Variants in DLG2 observed in about 807,000 individuals in gnomAD.
DLG2 encodes the protein discs large MAGUK scaffold protein 2, also known as disks large homolog 2.
Under a neutral mutation model 132.5 loss-of-function variants are expected in DLG2, and 45 were observed. The ratio of observed to expected loss-of-function variants is 0.34; its 90% CI spans 0.27 to 0.44. The LOEUF is 0.44. Among genes scored for constraint, DLG2 ranks in the 20% least tolerant of loss-of-function variants. The pLI, the probability that DLG2 is intolerant of heterozygous loss-of-function variation, is 1.00. For synonymous variants in DLG2, 424 were observed against 419.6 expected (o/e 1.01, Z -0.13); for missense variants, 1,045 against 1,196.9 (o/e 0.87, Z 1.87).
chr11:84,052,809 T>C (rs1245393449), intron 11 of DLG2, among the ~76,000 whole-genome samples: 1 of 151,862 alleles, frequency 6.6e-6, no homozygotes, highest in African/African-American at 2.4e-5. Context: ...AATGGAATGC[T>C]TTTACATTGT....
intron 6 of DLG2, among the ~76,000 whole-genome samples, chr11:84,989,186 C>A (rs2056825680): frequency 6.6e-6 from 1 of 151,938 alleles, no homozygotes; most frequent in African/African-American, 2.4e-5. Flanking sequence ...AAAAGAAGTT[C>A]TTTTTTTGAG....
At chr11:84,473,310 A>T (rs890558043) in intron 7 of DLG2, among the ~76,000 whole-genome samples, 1 of 151,978 alleles carries the variant, frequency 6.6e-6, no homozygotes, top group Admixed American at 6.6e-5. Flanking sequence ...TAGCTCTCAC[A>T]CAAATTGCCT....
chr11:85,031,317 T>G (rs2060981639), intron 6 of DLG2, among the ~76,000 whole-genome samples: 1 of 152,104 alleles, frequency 6.6e-6, no homozygotes, highest in Non-Finnish European at 1.5e-5. Flanking sequence ...CTGTCATTGG[T>G]TTTAGGTATA....
intron 3 of DLG2, among the ~76,000 whole-genome samples, chr11:85,473,979 A>G (rs1300329236): frequency 1.3e-5 from 2 of 152,028 alleles, no homozygotes; most frequent in African/African-American, 4.8e-5. Context: ...ATATATCGGT[A>G]GCCTCAATAA....
chr11:84,045,238 C>T (rs900016537), intron 11 of DLG2, among the ~76,000 whole-genome samples: 1 of 151,688 alleles, frequency 6.6e-6, no homozygotes, highest in Non-Finnish European at 1.5e-5. Context: ...TGCTGGGTAA[C>T]ATATGCACTT....
intron 20 of DLG2, among the ~76,000 whole-genome samples, chr11:83,539,814 A>T (rs2141402403): frequency 6.6e-6 from 1 of 152,322 alleles, no homozygotes; most frequent in South Asian, 2.1e-4. Flanking sequence ...GAAATAGCTA[A>T]TTCAAGAATG....
chr11:85,173,257 C>G (rs1478601292), intron 4 of DLG2, among the ~76,000 whole-genome samples: 1 of 152,192 alleles, frequency 6.6e-6, no homozygotes, highest in Non-Finnish European at 1.5e-5. Context: ...AGAAGCTCAG[C>G]AGACTAACAG....
chr11:84,248,039 T>C (rs2097325852), intron 8 of DLG2, among the ~76,000 whole-genome samples: 1 of 152,204 alleles, frequency 6.6e-6, no homozygotes, highest in Non-Finnish European at 1.5e-5. Context: ...TGTGAACAAC[T>C]AGAACATGAG....
At chr11:83,730,540 C>T (rs1275912494) in intron 18 of DLG2, among the ~76,000 whole-genome samples, 1 of 152,074 alleles carries the variant, frequency 6.6e-6, no homozygotes, top group Non-Finnish European at 1.5e-5. Context: ...AGGTATTCTC[C>T]CCCCATCCCT....
At chr11:85,088,803 C>T (rs1260912064) in intron 6 of DLG2, among the ~76,000 whole-genome samples, 2 of 152,152 alleles carry the variant, frequency 1.3e-5, no homozygotes, top group Non-Finnish European at 2.9e-5. Flanking sequence ...ACTAGAACCA[C>T]ACAGTCAAAA....
chr11:83,602,631 G>A (rs1432076309), intron 19 of DLG2, among the ~76,000 whole-genome samples: 1 of 152,200 alleles, frequency 6.6e-6, no homozygotes, highest in East Asian at 1.9e-4. Context: ...CCTTGGCCAT[G>A]TTTCAGTCTT....
chr11:84,073,217 C>T (rs923101244), intron 10 of DLG2, among the ~76,000 whole-genome samples: 10 of 152,130 alleles, frequency 6.6e-5, no homozygotes, highest in Non-Finnish European at 2.9e-5. Context: ...CTCATCCTTT[C>T]CAGTGACTTT....
intron 18 of DLG2, among the ~76,000 whole-genome samples, chr11:83,756,615 C>A (rs2093658239): frequency 6.6e-6 from 1 of 151,358 alleles, no homozygotes; most frequent in Non-Finnish European, 1.5e-5. Context: ...GAGATAATAA[C>A]CTCATAGGAT....
At chr11:84,881,694 T>C (rs1470851363) in intron 6 of DLG2, among the ~76,000 whole-genome samples, 2 of 152,182 alleles carry the variant, frequency 1.3e-5, no homozygotes, top group East Asian at 1.9e-4. Flanking sequence ...CCTAGGGGGA[T>C]TGCATTGCCT....
At chr11:85,205,300 T>A (rs1473727208) in intron 4 of DLG2, among the ~76,000 whole-genome samples, 1 of 151,786 alleles carries the variant, frequency 6.6e-6, no homozygotes, top group Admixed American at 6.6e-5. Context: ...ACAAATAACA[T>A]ATGTTCTCAA....
intron 14 of DLG2, among the ~76,000 whole-genome samples, chr11:83,958,840 C>T (rs1417058379): frequency 6.6e-6 from 1 of 152,060 alleles, no homozygotes; most frequent in African/African-American, 2.4e-5. Context: ...AAATAGTGCA[C>T]ATATACATGG....
At chr11:85,548,045 T>A (rs2076438317) in intron 3 of DLG2, among the ~76,000 whole-genome samples, 1 of 152,172 alleles carries the variant, frequency 6.6e-6, no homozygotes, top group South Asian at 2.1e-4. Flanking sequence ...GGAGTTGTGA[T>A]CCTTTGGAGG....
intron 6 of DLG2, among the ~76,000 whole-genome samples, chr11:85,092,998 G>A (rs367869866): frequency 1.3e-5 from 2 of 152,176 alleles, no homozygotes; most frequent in African/African-American, 4.8e-5. Flanking sequence ...TGGAAAATAG[G>A]AATATCCATC....
intron 3 of DLG2, among the ~76,000 whole-genome samples, chr11:85,518,270 G>A (rs577892472): frequency 6.6e-6 from 1 of 152,302 alleles, no homozygotes; most frequent in African/African-American, 2.4e-5. Flanking sequence ...ACTTCCTGGA[G>A]ACTTCTTGAA....
Sources: allele counts gnomAD v4.1 joint callset (sites outside exome capture counted in the v4.1 genomes callset), GRCh38; gene constraint gnomAD v4.1.1; transcripts MANE v1.5; gene names NCBI Gene and HGNC (gene_info 2026-07-23, HGNC 2026-07-21).